Variants in SIM1 observed in about 807,000 individuals in gnomAD.
SIM1 encodes the protein single-minded homolog 1.
A neutral mutation model predicts 78.2 loss-of-function variants in SIM1; 18 were observed. The observed-to-expected ratio is 0.23, with a 90% CI of 0.16 to 0.34. The LOEUF (loss-of-function observed/expected upper bound fraction) is 0.34, where lower values mean the gene tolerates loss of function less well. SIM1 is among the 10% of genes least tolerant of loss of function. SIM1 has a pLI of 1.00. For synonymous variants in SIM1, 417 were observed against 385.2 expected (o/e 1.08, Z -0.97); for missense variants, 939 against 975.1 (o/e 0.96, Z 0.49).
Position 100,419,648 on chromosome 6 carries a change from G to A in SIM1, c.1167+1142C>T, listed in dbSNP as rs558942758. ...CCAGTTTGTTTTTGTTTTTGTTTTT[G>A]TTTTTGTTTTTTTGAGATAGAGTCT... is the stretch of plus-strand genomic sequence containing the variant. On this transcript the variant is annotated intron_variant, in intron 10 of 11. Coordinates refer to ENST00000369208, the MANE Select transcript of SIM1 (RefSeq NM_005068.3). Among the ~76,000 whole-genome samples the A allele has an allele frequency of 4.0e-5, 6 of 151,898 alleles. 1 individual carries two copies. In the South Asian group the frequency reaches 1.0e-3, roughly 26 times the overall value.
At chr6:100,396,670 A>G (rs1375614554) in intron 10 of SIM1, among the ~76,000 whole-genome samples, 1 of 152,154 alleles carries the variant, frequency 6.6e-6, no homozygotes, top group Non-Finnish European at 1.5e-5. Flanking sequence ...TGTTTTCAAG[A>G]CCTATAAATT....
At chr6:100,432,428 T>G (rs991570057) in intron 9 of SIM1, among the ~76,000 whole-genome samples, 1 of 151,414 alleles carries the variant, frequency 6.6e-6, no homozygotes, top group Non-Finnish European at 1.5e-5. Flanking sequence ...GTTATCTGAG[T>G]GGTTGTTGTT....
intron 2 of SIM1, among the ~76,000 whole-genome samples, chr6:100,458,496 G>A (rs866305570): frequency 1.3e-5 from 2 of 152,232 alleles, no homozygotes; most frequent in Non-Finnish European, 2.9e-5. Flanking sequence ...TTGCCCTTCA[G>A]GGACAGTGGC....
At chr6:100,415,062 T>C (rs755235714) in intron 10 of SIM1, among the ~76,000 whole-genome samples, 2 of 152,194 alleles carry the variant, frequency 1.3e-5, no homozygotes, top group South Asian at 4.1e-4. Context: ...GTATTGGTTA[T>C]TACTGACTAG....
At chr6:100,453,882 C>T (rs1772579743) in intron 2 of SIM1, 38 bp from the exon 3 acceptor site, 8 of 1,530,354 alleles carry the variant, frequency 5.2e-6, no homozygotes, top group Non-Finnish European at 7.1e-6. Context: ...CCACTGAACC[C>T]GGACCTGACA....
chr6:100,398,276 A>G (rs1202198595), intron 10 of SIM1, among the ~76,000 whole-genome samples: 1 of 152,128 alleles, frequency 6.6e-6, no homozygotes, highest in Non-Finnish European at 1.5e-5. Flanking sequence ...GTGGAAAAAT[A>G]CAAGTAACAT....
intron 6 of SIM1, 26 bp downstream of exon 6, chr6:100,449,337 C>T: frequency 6.2e-7 from 1 of 1,601,614 alleles, no homozygotes; most frequent in East Asian, 2.2e-5. Context: ...CTGACTCCAC[C>T]CGGAGCGGAT....
In SIM1 at chr6:100,409,590, A is replaced by G. The variant is rs1408587129; in HGVS notation, c.1167+11200T>C. 2.0e-5 allele frequency among the ~76,000 whole-genome samples: 3 copies of G among 151,878 alleles called. No individual in the cohort carries two copies. The East Asian group carries it at 5.8e-4, about 29-fold the overall frequency. Reference sequence around the variant, plus strand: ...CTTCCTTCTGCTAAACTTCAGTCTAATTTGTTCTTTACCTTATAGTTCCTT... The same window carrying G: ...CTTCCTTCTGCTAAACTTCAGTCTAGTTTGTTCTTTACCTTATAGTTCCTT... On this transcript the variant is annotated intron_variant, in intron 10 of 11. Transcript: ENST00000369208.
At position 100,386,041 on chromosome 6, in the gene SIM1, T is replaced by C. The variant is rs980422673; in HGVS notation, c.*4320A>G. 2.0e-5 allele frequency: 3 copies of C among 152,072 alleles called. No homozygotes were observed. The highest frequency in any genetic ancestry group is 2.9e-5 in the Non-Finnish European group (2 of 67,926). 9.4% of individuals were successfully genotyped at this position (152,072 alleles called of 1,614,324 possible). A position where few individuals can be genotyped will look rare whatever the true frequency, so the allele number is the denominator to read the frequency against. On this transcript the variant is annotated 3_prime_UTR_variant, in exon 12 of 12. Transcript: ENST00000369208. ...AGTTCCACAGTAAGAACTAGTTCAG[T>C]AGATTTTTCTGTCTTAGACATAAAT...
intron 4 of SIM1, 94 bp downstream of exon 4, chr6:100,450,173 G>T: frequency 1.0e-6 from 1 of 978,974 alleles, no homozygotes; most frequent in South Asian, 1.3e-5. Flanking sequence ...TCCAGGTTTA[G>T]AGAAGCACAC....
intron 10 of SIM1, among the ~76,000 whole-genome samples, chr6:100,413,838 T>C (rs1476987227): frequency 1.3e-5 from 2 of 152,194 alleles, no homozygotes; most frequent in Non-Finnish European, 2.9e-5. Flanking sequence ...ATAAACTGCA[T>C]TGGAAACAAC....
intron 10 of SIM1, among the ~76,000 whole-genome samples, chr6:100,412,898 TA>T (rs1450309887): frequency 2.0e-5 from 3 of 152,078 alleles, no homozygotes; most frequent in Non-Finnish European, 4.4e-5. Context: ...AGGAGTTTAT[TA>T]ACTGTCATCT....
intron 9 of SIM1, among the ~76,000 whole-genome samples, chr6:100,431,347 G>A (rs1251606101): frequency 3.3e-5 from 5 of 151,878 alleles, no homozygotes; most frequent in African/African-American, 7.3e-5. Context: ...TTCTTTAATT[G>A]GATTCATTTA....
intron 9 of SIM1, among the ~76,000 whole-genome samples, chr6:100,440,693 G>A (rs944431693): frequency 1.3e-5 from 2 of 152,082 alleles, no homozygotes; most frequent in African/African-American, 2.4e-5. Flanking sequence ...TTGCATGAAG[G>A]CTTAATTATA....
At chr6:100,444,915 G>A (rs963799085) in intron 9 of SIM1, among the ~76,000 whole-genome samples, 1 of 152,036 alleles carries the variant, frequency 6.6e-6, no homozygotes, top group African/African-American at 2.4e-5. Context: ...CTATTGAAAC[G>A]TTTAAATTTG....
At chr6:100,431,153 G>C (rs1367857126) in intron 9 of SIM1, among the ~76,000 whole-genome samples, 5 of 152,016 alleles carry the variant, frequency 3.3e-5, no homozygotes, top group African/African-American at 7.2e-5. Flanking sequence ...AAAAAATGAT[G>C]GCATGATGCA....
intron 9 of SIM1, among the ~76,000 whole-genome samples, chr6:100,425,679 A>T (rs756420182): frequency 1.3e-5 from 2 of 152,206 alleles, no homozygotes; most frequent in African/African-American, 4.8e-5. Flanking sequence ...CTAGATGCTG[A>T]TGGAAATCAC....
In SIM1 at chr6:100,389,389, ACTT is replaced by A; in HGVS notation, c.*969_*971del. 2.6e-6 allele frequency: 1 copy of A among 382,406 alleles called. No homozygotes were observed. Among genetic ancestry groups the A allele is most frequent in the South Asian group, 1.5e-4 (1 of 6,880 alleles). The allele number at this position is 382,406 out of a possible 1,614,324, so 23.7% of individuals were successfully genotyped here. ...ACACTTAACACTGCTGTCATGTGGCACTTCACTGGTTTTCCTTTTATTTTTGCA... is the reference window on the plus strand; with the variant it reads ...ACACTTAACACTGCTGTCATGTGGCACACTGGTTTTCCTTTTATTTTTGCA... On this transcript the variant is annotated 3_prime_UTR_variant, in exon 12 of 12. Transcript: ENST00000369208.
chr6:100,407,564 A>G (rs1403182783), intron 10 of SIM1, among the ~76,000 whole-genome samples: 1 of 152,042 alleles, frequency 6.6e-6, no homozygotes, highest in Admixed American at 6.6e-5. Flanking sequence ...TTTACATTCC[A>G]CTAACTGCCT....
Sources: allele counts gnomAD v4.1 joint callset (sites outside exome capture counted in the v4.1 genomes callset), GRCh38; gene constraint gnomAD v4.1.1; transcripts MANE v1.5; gene names NCBI Gene and HGNC (gene_info 2026-07-23, HGNC 2026-07-21).